The following TTN variants were observed in gnomAD, a reference collection of about 807,000 sequenced individuals.
TTN encodes connectin.
TTN carries 1,525 observed loss-of-function variants against 3,223.0 expected under a neutral mutation model. That is an observed-to-expected ratio of 0.47 (90% CI 0.45 to 0.49). TTN has a LOEUF of 0.49. Among genes scored for constraint, TTN ranks in the 20% least tolerant of loss-of-function variants. The pLI is 0.00. For missense variants in TTN, 40,786 were observed against 43,424.0 expected, an observed-to-expected ratio of 0.94 and a Z score of 5.40; for synonymous variants, 14,094 against 15,161.0, an observed-to-expected ratio of 0.93 and a Z score of 5.17.
rs1060500465 is a variant in TTN at position 178,583,636 on chromosome 2, G to A, written c.65546C>T (p.Ser21849Phe). ...AVNISPPSEP[S>F]DPVTILAENV... is the part of the protein sequence containing the mutation. The stretch of plus-strand genomic sequence containing the variant: ...TTCTGCGAGGATAGTCACTGGATCA[G>A]AAGGTTCAGAAGGTGGGCTAATGTT... The change falls in exon 312 of 363, where the codon TCT (serine) becomes TTT (phenylalanine). Residue 21849 changes from serine (S) to phenylalanine (F), a missense_variant. Physicochemically the swap from Ser to Phe is radical, Grantham distance 155. Coordinates refer to ENST00000589042, the MANE Select transcript of TTN (RefSeq NM_001267550.2). The A allele has an allele frequency of 1.2e-6, 2 of 1,609,200 alleles. No individual in the cohort carries two copies. Among genetic ancestry groups the A allele is most frequent in the Non-Finnish European group, 1.7e-6 (2 of 1,177,066 alleles).
At chr2:178,556,467 A>AC (rs1701550230) in intron 330 of TTN, 1 of 222,192 alleles carries the variant, frequency 4.5e-6, no homozygotes, top group Non-Finnish European at 8.6e-6. Context: ...AAAAAAAAAA[A>AC]ACCAAAAAAT....
At position 178,773,313 on chromosome 2, in the gene TTN, C is replaced by T; in HGVS notation, c.7651G>A (p.Val2551Met). 6.2e-7 allele frequency: 1 copy of T among 1,613,916 alleles called. No individual in the cohort carries two copies. Residue 2551 changes from valine to methionine, a missense_variant, in exon 33 of 363, where the codon GTG (valine) becomes ATG (methionine). Physicochemically the swap from Val to Met is conservative, Grantham distance 21. Coordinates refer to ENST00000589042, the MANE Select transcript of TTN (RefSeq NM_001267550.2). ...DLTCTETQNV[V>M]FEVELSHSGI... ...GAGTGGGACAGCTCAACCTCAAACA[C>T]CACATTTTGAGTTTCTGTACAGGTA... is the stretch of plus-strand genomic sequence containing the variant.
rs374280166 is a variant in TTN at position 178,545,584 on chromosome 2, G to A, written c.95526C>T (p.Tyr31842=). The change falls in exon 344 of 363, where the codon TAC becomes TAT. Residue 31842 remains tyrosine (Y), a synonymous_variant. Transcript: ENST00000589042. The part of the protein sequence containing the change: ...ESDGGNEISN[Y]LVDKREKKSL... ...TCTTCTTCTCACGTTTGTCTACTAGGTAGTTGCTGATTTCATTGCCACCAT... is the reference window on the plus strand; with the variant it reads ...TCTTCTTCTCACGTTTGTCTACTAGATAGTTGCTGATTTCATTGCCACCAT... 3 of 1,613,608 alleles carry A rather than the reference G, an allele frequency of 1.9e-6. No homozygotes were observed. In the African/African-American group the frequency reaches 4.0e-5, roughly 22 times the overall value.
In TTN at chr2:178,712,137, G is replaced by A. The variant is rs752794790; in HGVS notation, c.27693C>T (p.Thr9231=). The A allele has an allele frequency of 1.2e-6, 2 of 1,613,740 alleles. No homozygotes were observed. Among genetic ancestry groups the A allele is most frequent in the Non-Finnish European group, 8.5e-7 (1 of 1,179,798 alleles). ...SASLQCQLAG[T]PEIGVSWYKG... is the part of the protein sequence containing the mutation. ...TATACCAGGATACCCCAATTTCAGG[G>A]GTTCCAGCAAGCTGGCATTGTAGAG... The change falls in exon 96 of 363, where the codon ACC becomes ACT. Residue 9231 remains threonine, a synonymous_variant. Transcript: ENST00000589042.
Position 178,647,344 on chromosome 2 carries a change from T to C in TTN, c.40141+37A>G, listed in dbSNP as rs532217551. 4,548 of 1,541,934 alleles carry C rather than the reference T, an allele frequency of 2.9e-3. 10 individuals carry two copies. Among genetic ancestry groups the C allele is most frequent in the Non-Finnish European group, 3.4e-3 (3,900 of 1,140,690 alleles). On this transcript the variant is annotated intron_variant, in intron 214 of 362. Transcript: ENST00000589042. Reference sequence around the variant, plus strand: ...AATCAAAGCAAGAGGATGAAGACAATTGTCATCTTTCCAAGATTTATGGAG... The same window carrying C: ...AATCAAAGCAAGAGGATGAAGACAACTGTCATCTTTCCAAGATTTATGGAG...
In TTN at chr2:178,663,684, G is replaced by T. The variant is rs1270939025; in HGVS notation, c.36475C>A (p.Pro12159Thr). The stretch of plus-strand genomic sequence containing the variant: ...GGAGCCACTGGCGCTTTCTTTTCAG[G>T]AACTACTTCTTTGGGAGGCTCTGGT... Reference protein sequence around the residue: ...KVPEPPKEVVPEKKAPVAPPK... With the variant: ...KVPEPPKEVVTEKKAPVAPPK... The change falls in exon 171 of 363, where the codon CCT becomes ACT. Residue 12159 changes from proline to threonine, a missense_variant. Coordinates refer to ENST00000589042, the MANE Select transcript of TTN (RefSeq NM_001267550.2). 6 of 1,613,410 alleles carry T rather than the reference G, an allele frequency of 3.7e-6. No homozygotes were observed. The highest frequency in any genetic ancestry group is 5.1e-6 in the Non-Finnish European group (6 of 1,179,748).
chr2:178,750,331 TC>T (rs1277684451), intron 47 of TTN: 1 of 1,613,144 alleles, frequency 6.2e-7, no homozygotes, highest in Non-Finnish European at 8.5e-7. Context: ...TTTTTACTGT[TC>T]CATATTGGTT....
Position 178,652,252 on chromosome 2 carries a change from G to C in TTN, c.39211+12C>G. 1 of 1,613,482 alleles carries C rather than the reference G, an allele frequency of 6.2e-7. No homozygotes were observed. Among genetic ancestry groups the C allele is most frequent in the Non-Finnish European group, 8.5e-7 (1 of 1,179,688 alleles). ...CAAACAATATCAAACACAGCACCATGAGGGTGTCTACCTTTTGTGGGTGGC... is the reference window on the plus strand; with the variant it reads ...CAAACAATATCAAACACAGCACCATCAGGGTGTCTACCTTTTGTGGGTGGC... On this transcript the variant is annotated intron_variant, in intron 203 of 362. Transcript: ENST00000589042.
At position 178,561,832 on chromosome 2, in the gene TTN, T is replaced by A; in HGVS notation, c.84300A>T (p.Thr28100=). The part of the protein sequence containing the change: ...YIVEKKETTS[T]TWHIVSQAVA... ...CTGCTTGTGAAACTATGTGCCATGT[T>A]GTAGAGGTGGTTTCTTTCTTTTCAA... The change falls in exon 326 of 363, where the codon ACA becomes ACT. Residue 28100 remains threonine, a synonymous_variant. Coordinates refer to ENST00000589042, the MANE Select transcript of TTN (RefSeq NM_001267550.2). 7 of 1,613,708 alleles carry A rather than the reference T, an allele frequency of 4.3e-6. No homozygotes were observed. Among genetic ancestry groups the A allele is most frequent in the Non-Finnish European group, 5.9e-6 (7 of 1,179,756 alleles).
Position 178,543,716 on chromosome 2 carries a change from T to G in TTN, c.96311-54A>C, listed in dbSNP as rs1248251115. The G allele has an allele frequency of 2.1e-5, 32 of 1,520,030 alleles. No homozygotes were observed. In the East Asian group the frequency reaches 5.7e-4, roughly 27 times the overall value. 94.2% of individuals were successfully genotyped at this position (1,520,030 alleles called of 1,614,324 possible). ...TCCTATTTGCCTGATAGCTTTTTTT[T>G]TCTTGGGGAAATATAATCAACATAG... On this transcript the variant is annotated intron_variant, in intron 346 of 362. Transcript: ENST00000589042.
chr2:178,631,930 T>C (rs927895530), intron 236 of TTN, among the ~76,000 whole-genome samples: 8 of 152,096 alleles, frequency 5.3e-5, no homozygotes, highest in Admixed American at 3.9e-4. Flanking sequence ...TGGCTTTTAA[T>C]TGGCTATTTT....
In TTN at chr2:178,589,266, A is replaced by G. The variant is rs369446270; in HGVS notation, c.62459T>C (p.Ile20820Thr). Residue 20820 changes from isoleucine to threonine, a missense_variant, in exon 304 of 363, where the codon ATT (isoleucine) becomes ACT (threonine). Physicochemically the swap from Ile to Thr is moderately conservative, Grantham distance 89. Coordinates refer to ENST00000589042, the MANE Select transcript of TTN (RefSeq NM_001267550.2). ...TDLTRSPRVK[I>T]DTRADSSKFS... ...TTTAGATGAATCAGCACGGGTATCA[A>G]TCTTGACCCTTGGTGATCTTGTTAA... The G allele has an allele frequency of 4.3e-5, 70 of 1,613,308 alleles. No homozygotes were observed. The highest frequency in any genetic ancestry group is 6.7e-5 in the Admixed American group (4 of 59,950).
chr2:178,593,643 G>A lies in TTN; in HGVS notation c.58657C>T (p.Arg19553Trp), dbSNP rs372959465. The A allele has an allele frequency of 1.3e-5, 21 of 1,612,832 alleles. No homozygotes were observed. Among genetic ancestry groups the A allele is most frequent in the African/African-American group, 4.0e-5 (3 of 74,840 alleles). ...CCATACAGATTTTCAGCATGTATCC[G>A]GAAAATATAATCTTTTCCTTCAAGT... ...KLLEGKDYIF[R>W]IHAENLYGIS... The change falls in exon 298 of 363, where the codon CGG becomes TGG. Residue 19553 changes from arginine (R) to tryptophan (W), a missense_variant. Physicochemically the swap from Arg to Trp is moderately radical, Grantham distance 101. Transcript: ENST00000589042.
rs1210557316 is a variant in TTN, at chr2:178,528,856, C to T, written c.106895G>A (p.Gly35632Asp). Residue 35632 changes from glycine (G) to aspartate (D), a missense_variant, in exon 360 of 363, where the codon GGT (glycine) becomes GAT (aspartate). Coordinates refer to ENST00000589042, the MANE Select transcript of TTN (RefSeq NM_001267550.2). ...CAGTACCCATTTCACATCAGTGGCA[C>T]CAGCAATGTTGGCTTTTAAAACCAG... ...QRLVLKANIAGATDVKWVLNG... is the reference protein window; with the variant it reads ...QRLVLKANIADATDVKWVLNG... The T allele has an allele frequency of 1.2e-6, 2 of 1,613,846 alleles. No individual in the cohort carries two copies. The highest frequency in any genetic ancestry group is 1.1e-5 in the South Asian group (1 of 91,086).
chr2:178,801,835 C>T (rs912801370), intron 3 of TTN, among the ~76,000 whole-genome samples: 5 of 152,152 alleles, frequency 3.3e-5, no homozygotes, highest in African/African-American at 1.2e-4. Context: ...GACTTATAAA[C>T]AAGGCTCCAA....
Position 178,570,861 on chromosome 2 carries a change from T to C in TTN, c.75271A>G (p.Ser25091Gly), listed in dbSNP as rs886609420. ...GCTCCTGTGCTTTCTGAAGGCTCAC[T>C]AAACACTCCTGCGGCATTTCGGGCT... Reference protein sequence around the residue: ...VIARNAAGVFSEPSESTGAIT... With the variant: ...VIARNAAGVFGEPSESTGAIT... The change falls in exon 326 of 363, where the codon AGT (serine) becomes GGT (glycine). Residue 25091 changes from serine to glycine, a missense_variant. Ser to Gly is a moderately conservative substitution (Grantham distance 56, BLOSUM62 0). Transcript: ENST00000589042. The C allele has an allele frequency of 3.7e-6, 6 of 1,613,420 alleles. No individual in the cohort carries two copies. The highest frequency in any genetic ancestry group is 5.1e-6 in the Non-Finnish European group (6 of 1,179,626).
In TTN at chr2:178,569,321, G is replaced by A. The variant is rs1707251307; in HGVS notation, c.76811C>T (p.Pro25604Leu). 1.9e-6 allele frequency: 3 copies of A among 1,612,914 alleles called. No individual in the cohort carries two copies. The highest frequency in any genetic ancestry group is 1.7e-6 in the Non-Finnish European group (2 of 1,179,330). ...VTVRVLDTPS[P>L]PVNLKVTEIT... is the part of the protein sequence containing the mutation. ...TTCTGTGACTTTCAGGTTAACAGGTGGACTTGGCGTGTCCAGAACTCTCAC... is the reference window on the plus strand; with the variant it reads ...TTCTGTGACTTTCAGGTTAACAGGTAGACTTGGCGTGTCCAGAACTCTCAC... Residue 25604 changes from proline to leucine, a missense_variant, in exon 326 of 363, where the codon CCA becomes CTA. By Grantham distance (98) the Pro-to-Leu change is moderately conservative (BLOSUM62 -3). Transcript: ENST00000589042.
intron 307 of TTN, 96 bp downstream of exon 307, chr2:178,587,022 A>G: frequency 1.3e-6 from 2 of 1,510,580 alleles, no homozygotes; most frequent in African/African-American, 1.4e-5. Context: ...CTACAAATGA[A>G]ATCTCTTTCA....
At chr2:178,671,754 G>A (rs1462010029) in intron 155 of TTN, among the ~76,000 whole-genome samples, 2 of 151,606 alleles carry the variant, frequency 1.3e-5, no homozygotes, top group African/African-American at 4.8e-5. Context: ...TTCATACAGT[G>A]ACCTCCTTAG....
Sources: allele counts gnomAD v4.1 joint callset (sites outside exome capture counted in the v4.1 genomes callset), GRCh38; gene constraint gnomAD v4.1.1; transcripts MANE v1.5; gene names NCBI Gene and HGNC (gene_info 2026-07-23, HGNC 2026-07-21).